Variants in THSD7B observed in about 807,000 individuals in gnomAD.
The protein encoded by THSD7B is thrombospondin type 1 domain containing 7B.
Under a neutral mutation model 213.6 loss-of-function variants are expected in THSD7B, and 138 were observed. The ratio of observed to expected loss-of-function variants is 0.65; its 90% CI spans 0.56 to 0.74. The LOEUF (loss-of-function observed/expected upper bound fraction) is 0.74. Among genes scored for constraint, THSD7B ranks in the 30% least tolerant of loss-of-function variants. The probability of loss-of-function intolerance (pLI) is 0.00; values close to 1 mark genes in which losing one functional copy is unlikely to be tolerated. For synonymous variants in THSD7B, 742 were observed against 687.0 expected (o/e 1.08, Z -1.25); for missense variants, 1,931 against 1,991.5 (o/e 0.97, Z 0.58).
chr2:137,298,003 C>T (rs1683508037), intron 12 of THSD7B, among the ~76,000 whole-genome samples: 1 of 152,000 alleles, frequency 6.6e-6, no homozygotes, highest in Non-Finnish European at 1.5e-5. Flanking sequence ...AACTTTGGAA[C>T]TGGGTAGCAG....
intron 2 of THSD7B, among the ~76,000 whole-genome samples, chr2:137,007,538 C>T (rs1686141031): frequency 6.6e-6 from 1 of 152,082 alleles, no homozygotes; most frequent in South Asian, 2.1e-4. Flanking sequence ...AAAGTACAAG[C>T]TGATGGAAGA....
intron 3 of THSD7B, among the ~76,000 whole-genome samples, chr2:137,072,425 A>G (rs561191710): frequency 1.4e-3 from 207 of 152,052 alleles, no homozygotes; most frequent in African/African-American, 4.9e-3. Flanking sequence ...GGTGTATAAG[A>G]ATGCTTGTGA....
At chr2:137,113,846 T>G (rs1688397727) in intron 4 of THSD7B, among the ~76,000 whole-genome samples, 1 of 152,090 alleles carries the variant, frequency 6.6e-6, no homozygotes, top group Admixed American at 6.6e-5. Context: ...AAAAAAAAAG[T>G]GAAAATTAAG....
intron 7 of THSD7B, among the ~76,000 whole-genome samples, chr2:137,179,246 T>C (rs1680411151): frequency 6.6e-6 from 1 of 152,158 alleles, no homozygotes; most frequent in African/African-American, 2.4e-5. Flanking sequence ...GTTTTTCTAT[T>C]CCCTATTGTA....
At chr2:137,572,607 T>C in intron 17 of THSD7B, 51 bp downstream of exon 17, 1 of 1,595,362 alleles carries the variant, frequency 6.3e-7, no homozygotes. Context: ...TTGCCTTCAC[T>C]GTTGTTCGTT....
chr2:136,957,320 A>G (rs1685143020), intron 2 of THSD7B, among the ~76,000 whole-genome samples: 1 of 152,186 alleles, frequency 6.6e-6, no homozygotes, highest in African/African-American at 2.4e-5. Flanking sequence ...GAATGAGCCA[A>G]CATGGAGGAC....
intron 1 of THSD7B, among the ~76,000 whole-genome samples, chr2:136,878,662 T>C (rs1487907489): frequency 6.6e-6 from 1 of 152,188 alleles, no homozygotes; most frequent in Admixed American, 6.5e-5. Context: ...ATTTCTCTGA[T>C]GGCCAGTGAT....
intron 15 of THSD7B, among the ~76,000 whole-genome samples, chr2:137,559,045 C>G (rs1490757282): frequency 6.6e-6 from 1 of 152,134 alleles, no homozygotes; most frequent in Non-Finnish European, 1.5e-5. Flanking sequence ...CTACAAACCA[C>G]TGCTCAATGA....
intron 2 of THSD7B, among the ~76,000 whole-genome samples, chr2:137,036,312 A>G (rs1285250679): frequency 6.6e-6 from 1 of 152,190 alleles, no homozygotes; most frequent in Non-Finnish European, 1.5e-5. Context: ...AAATGTCAAC[A>G]TGTATAATCT....
rs530690704 is a variant in THSD7B at position 136,876,262 on chromosome 2, G to A, written c.-35-5882G>A. Among the ~76,000 whole-genome samples the A allele has an allele frequency of 4.6e-5, 7 of 152,262 alleles. No individual in the cohort carries two copies. In the South Asian group the frequency reaches 1.5e-3, roughly 32 times the overall value. On this transcript the variant is annotated intron_variant, in intron 1 of 27. Coordinates refer to ENST00000409968, the MANE Select transcript of THSD7B (RefSeq NM_001316349.2). Reference sequence around the variant, plus strand: ...TGACTTTGATCTATCATTATATATAGAAGACCACTCATTTGCTTTCCCAGG... The same window carrying A: ...TGACTTTGATCTATCATTATATATAAAAGACCACTCATTTGCTTTCCCAGG...
intron 12 of THSD7B, among the ~76,000 whole-genome samples, chr2:137,308,429 A>C (rs1303244539): frequency 1.1e-4 from 16 of 152,044 alleles, no homozygotes; most frequent in Admixed American, 1.0e-3. Context: ...TAAGTGACGG[A>C]GTACCATGAT....
chr2:136,901,603 A>G (rs1254598338), intron 2 of THSD7B, among the ~76,000 whole-genome samples: 1 of 152,212 alleles, frequency 6.6e-6, no homozygotes, highest in Admixed American at 6.5e-5. Flanking sequence ...ATTTTAAAAA[A>G]TTATTGGGGA....
chr2:137,263,522 T>C (rs1194431722), intron 10 of THSD7B, among the ~76,000 whole-genome samples: 1 of 152,120 alleles, frequency 6.6e-6, no homozygotes, highest in Non-Finnish European at 1.5e-5. Context: ...TGGCTTCTGT[T>C]GCAAAATGAA....
intron 6 of THSD7B, among the ~76,000 whole-genome samples, chr2:137,162,625 G>A (rs543594958): frequency 5.3e-5 from 8 of 152,212 alleles, no homozygotes; most frequent in Admixed American, 3.3e-4. Flanking sequence ...TCTCCCCTTC[G>A]TTCTGGGCCA....
At chr2:137,039,619 A>G (rs1686842597) in intron 2 of THSD7B, among the ~76,000 whole-genome samples, 1 of 152,166 alleles carries the variant, frequency 6.6e-6, no homozygotes, top group Non-Finnish European at 1.5e-5. Context: ...AGGTCCCTCC[A>G]TGTGTTAGGA....
intron 1 of THSD7B, among the ~76,000 whole-genome samples, chr2:136,851,301 C>T (rs954644753): frequency 6.6e-6 from 1 of 151,916 alleles, no homozygotes; most frequent in African/African-American, 2.4e-5. Flanking sequence ...TTTCTTTATT[C>T]TTTCTTTCTG....
At chr2:137,338,056 G>C (rs534053420) in intron 12 of THSD7B, among the ~76,000 whole-genome samples, 24 of 152,170 alleles carry the variant, frequency 1.6e-4, no homozygotes, top group African/African-American at 5.5e-4. Flanking sequence ...AGATTAGTAG[G>C]CTTGGTGATT....
intron 5 of THSD7B, among the ~76,000 whole-genome samples, chr2:137,115,545 G>A (rs1688434011): frequency 6.6e-6 from 1 of 152,164 alleles, no homozygotes. Context: ...GTTAGGGTGT[G>A]TAGCATAGAT....
chr2:137,021,587 C>T (rs963905285), intron 2 of THSD7B, among the ~76,000 whole-genome samples: 1 of 152,106 alleles, frequency 6.6e-6, no homozygotes, highest in Non-Finnish European at 1.5e-5. Context: ...AGAAATAGTA[C>T]AGATTTCCCA....
Sources: gnomAD v4.1 joint callset for allele counts (sites outside exome capture counted in the v4.1 genomes callset) on GRCh38, gnomAD v4.1.1 for gene constraint, MANE v1.5 for transcripts, NCBI Gene and HGNC (gene_info 2026-07-23, HGNC 2026-07-21) for gene names.